NRG3: variants seen among roughly 807,000 people sequenced by gnomAD.
The protein encoded by NRG3 is pro-neuregulin-3, membrane-bound isoform.
In NRG3, 31 loss-of-function variants were observed where a neutral mutation model predicts 66.9. The observed-to-expected ratio is 0.46, with a 90% CI of 0.35 to 0.63. NRG3 has a LOEUF of 0.63. Ranked by LOEUF, NRG3 falls within the 20% of genes least tolerant of loss-of-function variation. The probability of loss-of-function intolerance (pLI) is 0.00; values close to 1 mark genes in which losing one functional copy is unlikely to be tolerated. For missense variants in NRG3, 910 were observed against 878.9 expected (o/e 1.04, Z -0.45); for synonymous variants, 393 against 359.4 (o/e 1.09, Z -1.06).
intron 4 of NRG3, among the ~76,000 whole-genome samples, chr10:82,926,162 G>T (rs1170421747): frequency 6.6e-6 from 1 of 152,176 alleles, no homozygotes; most frequent in Non-Finnish European, 1.5e-5. Flanking sequence ...ACTTGAATTT[G>T]CCATATGCCA....
intron 1 of NRG3, among the ~76,000 whole-genome samples, chr10:82,117,662 G>A (rs1241031569): frequency 2.6e-5 from 4 of 152,030 alleles, no homozygotes; most frequent in Admixed American, 2.6e-4. Context: ...AGGGTGTGCT[G>A]TGAGGCATTG....
chr10:82,043,793 G>T (rs1320192395), intron 1 of NRG3, among the ~76,000 whole-genome samples: 1 of 151,900 alleles, frequency 6.6e-6, no homozygotes, highest in African/African-American at 2.4e-5. Context: ...CACAAAATTG[G>T]TTTTGACATA....
In NRG3 at chr10:82,069,222, T is replaced by C. The variant is rs1171881809; in HGVS notation, c.823+193059T>C. On this transcript the variant is annotated intron_variant, in intron 1 of 8. Transcript: ENST00000372141. ...GGATAGGGGTCAGGTTGCATTGGAG[T>C]TTCTTAGAAGCTTCACTTCACCTAA... is the stretch of plus-strand genomic sequence containing the variant. 3.3e-5 allele frequency among the ~76,000 whole-genome samples: 5 copies of C among 151,734 alleles called. No homozygotes were observed. The South Asian group carries it at 1.0e-3, about 32-fold the overall frequency.
Position 81,934,281 on chromosome 10 carries a change from T to C in NRG3, c.823+58118T>C, listed in dbSNP as rs75756545. ...TCCTTTTCTGTTGCATAAACAGTGCTGAAAGCTTAATGATCAGCTGGAGAA... is the reference window on the plus strand; with the variant it reads ...TCCTTTTCTGTTGCATAAACAGTGCCGAAAGCTTAATGATCAGCTGGAGAA... On this transcript the variant is annotated intron_variant, in intron 1 of 8. Coordinates refer to ENST00000372141, the MANE Select transcript of NRG3 (RefSeq NM_001010848.4). Among the ~76,000 whole-genome samples, 1,464 of 152,360 alleles carry C rather than the reference T, an allele frequency of 9.6e-3. 18 individuals carry two copies. The highest frequency in any genetic ancestry group is 0.032 in the African/African-American group (1,343 of 41,582).
chr10:82,738,595 A>G lies in NRG3; in HGVS notation c.972A>G (p.Gln324=), dbSNP rs752610876. ...HKHCRCKEGY[Q]GVRCDQFLPK... ...TTCTCAGGTGCAAAGAAGGCTACCAAGGAGTCCGTTGTGATCAATTTCTGC... is the reference window on the plus strand; with the variant it reads ...TTCTCAGGTGCAAAGAAGGCTACCAGGGAGTCCGTTGTGATCAATTTCTGC... Residue 324 remains glutamine, a synonymous_variant, in exon 3 of 9, where the codon CAA becomes CAG. Coordinates refer to ENST00000372141, the MANE Select transcript of NRG3 (RefSeq NM_001010848.4). The G allele has an allele frequency of 6.2e-7, 1 of 1,614,154 alleles. No individual in the cohort carries two copies. The highest frequency in any genetic ancestry group is 8.5e-7 in the Non-Finnish European group (1 of 1,179,984).
chr10:82,005,560 T>A (rs2061345788), intron 1 of NRG3, among the ~76,000 whole-genome samples: 1 of 152,176 alleles, frequency 6.6e-6, no homozygotes, highest in African/African-American at 2.4e-5. Flanking sequence ...CAATAATCGA[T>A]CAACTAACAT....
At chr10:82,024,409 A>C (rs186138982) in intron 1 of NRG3, among the ~76,000 whole-genome samples, 1 of 152,062 alleles carries the variant, frequency 6.6e-6, no homozygotes, top group African/African-American at 2.4e-5. Context: ...CAGTGGGTTA[A>C]AGAAAATATC....
At chr10:82,048,010 A>G (rs2133093396) in intron 1 of NRG3, among the ~76,000 whole-genome samples, 1 of 151,564 alleles carries the variant, frequency 6.6e-6, no homozygotes, top group Middle Eastern at 3.4e-3. Flanking sequence ...GAAGGCCATT[A>G]CATAATGGTA....
chr10:82,567,340 A>G (rs1234111392), intron 2 of NRG3, among the ~76,000 whole-genome samples: 1 of 151,970 alleles, frequency 6.6e-6, no homozygotes, highest in East Asian at 1.9e-4. Flanking sequence ...GATGATTAAT[A>G]ATCAGGGTTT....
chr10:82,523,290 T>A (rs192813925), intron 2 of NRG3, among the ~76,000 whole-genome samples: 2 of 152,152 alleles, frequency 1.3e-5, no homozygotes, highest in East Asian at 3.9e-4. Flanking sequence ...GTAGAATTAC[T>A]GTACTATATG....
At chr10:82,984,256 T>A (rs1283679759) in intron 8 of NRG3, among the ~76,000 whole-genome samples, 3 of 152,252 alleles carry the variant, frequency 2.0e-5, no homozygotes, top group Non-Finnish European at 4.4e-5. Context: ...TTACTAGCCC[T>A]GCACAGGCAA....
chr10:82,150,651 A>G (rs1406879759), intron 1 of NRG3, among the ~76,000 whole-genome samples: 4 of 152,124 alleles, frequency 2.6e-5, no homozygotes, highest in African/African-American at 7.2e-5. Context: ...GTAAACTGCA[A>G]GAACGGACAC....
chr10:82,900,671 AG>A (rs1477391382), intron 4 of NRG3, among the ~76,000 whole-genome samples: 2 of 152,180 alleles, frequency 1.3e-5, no homozygotes, highest in African/African-American at 4.8e-5. Context: ...GTGGCCTTAT[AG>A]GGTTGGTATA....
At chr10:82,080,274 G>A (rs1008775997) in intron 1 of NRG3, among the ~76,000 whole-genome samples, 4 of 151,986 alleles carry the variant, frequency 2.6e-5, no homozygotes, top group Non-Finnish European at 5.9e-5. Flanking sequence ...TTATTTTAAG[G>A]GTTTTGCCTT....
At chr10:82,548,867 G>A (rs764385616) in intron 2 of NRG3, among the ~76,000 whole-genome samples, 53 of 152,174 alleles carry the variant, frequency 3.5e-4, no homozygotes, top group Middle Eastern at 3.2e-3. Flanking sequence ...GGCAGAAGGC[G>A]TGTGGTCAGC....
At chr10:81,991,643 G>A (rs550118560) in intron 1 of NRG3, among the ~76,000 whole-genome samples, 2 of 152,202 alleles carry the variant, frequency 1.3e-5, no homozygotes, top group South Asian at 4.1e-4. Context: ...GTTCTGTGAT[G>A]AGATTTTTTT....
At chr10:82,619,431 A>G (rs2133593228) in intron 2 of NRG3, among the ~76,000 whole-genome samples, 1 of 152,252 alleles carries the variant, frequency 6.6e-6, no homozygotes, top group Middle Eastern at 3.4e-3. Context: ...TAGCCAAGGG[A>G]TTGGTATTTC....
At chr10:82,710,557 G>T (rs2056597435) in intron 2 of NRG3, among the ~76,000 whole-genome samples, 1 of 113,900 alleles carries the variant, frequency 8.8e-6, no homozygotes, top group African/African-American at 3.4e-5. Context: ...CTGCACTCCA[G>T]CCTGGGCGAC....
chr10:82,074,072 C>A (rs1380509239), intron 1 of NRG3, among the ~76,000 whole-genome samples: 1 of 150,336 alleles, frequency 6.7e-6, no homozygotes, highest in Non-Finnish European at 1.5e-5. Flanking sequence ...GTGATGAGTT[C>A]TCTGAAAAAA....
Sources: gnomAD v4.1 joint callset for allele counts (sites outside exome capture counted in the v4.1 genomes callset) on GRCh38, gnomAD v4.1.1 for gene constraint, MANE v1.5 for transcripts, NCBI Gene and HGNC (gene_info 2026-07-23, HGNC 2026-07-21) for gene names.